Variants in ATP11A observed in about 807,000 individuals in gnomAD.
ATP11A encodes phospholipid-transporting ATPase IH.
Under a neutral mutation model 154.4 loss-of-function variants are expected in ATP11A, and 81 were observed. The ratio of observed to expected loss-of-function variants is 0.52; its 90% confidence interval spans 0.44 to 0.63. The LOEUF (loss-of-function observed/expected upper bound fraction) is 0.63, where lower values mean the gene tolerates loss of function less well. Ranked by LOEUF, ATP11A falls within the 30% of genes least tolerant of loss-of-function variation. The probability of loss-of-function intolerance (pLI) is 0.00; values close to 1 mark genes in which losing one functional copy is unlikely to be tolerated. For synonymous variants in ATP11A, 623 were observed against 585.9 expected, an observed-to-expected ratio of 1.06 and a Z score of -0.91; for missense variants, 1,316 against 1,474.3, an observed-to-expected ratio of 0.89 and a Z score of 1.76.
chr13:112,690,723 C>T lies in ATP11A; in HGVS notation c.39+268C>T, dbSNP rs1224165899. ...CCCTGGCCGCGGCCGCCTGGCGCCC[C>T]CTTCCCGCCCGCAGCGCCCTGGGGG... On this transcript the variant is annotated intron_variant, in intron 1 of 29. Coordinates refer to ENST00000375645, the MANE Select transcript of ATP11A (RefSeq NM_015205.3). This position sits in a 1 kb window ranked among gnomAD's most constrained non-coding sequence, Gnocchi z 5.6. Among the ~76,000 whole-genome samples the T allele has an allele frequency of 6.6e-6, 1 of 152,104 alleles. No individual in the cohort carries two copies. Among genetic ancestry groups the T allele is most frequent in the Admixed American group, 6.5e-5 (1 of 15,286 alleles).
chr13:112,880,490 C>A, intron 29 of ATP11A: 2 of 1,255,312 alleles, frequency 1.6e-6, no homozygotes, highest in Non-Finnish European at 2.1e-6. Flanking sequence ...GAGGCCCGAG[C>A]ACTCCTGGTG....
At chr13:112,724,796 T>C (rs2139656279) in intron 1 of ATP11A, among the ~76,000 whole-genome samples, 1 of 152,080 alleles carries the variant, frequency 6.6e-6, no homozygotes, top group East Asian at 1.9e-4. Context: ...ACTCCTGCCA[T>C]GTGGGAAATT....
chr13:112,713,937 C>T (rs1054879408), intron 1 of ATP11A, among the ~76,000 whole-genome samples: 1 of 129,652 alleles, frequency 7.7e-6, no homozygotes, highest in Non-Finnish European at 1.7e-5. Context: ...CCCTTCCATT[C>T]TTCCCACCCC....
intron 1 of ATP11A, among the ~76,000 whole-genome samples, chr13:112,716,709 C>T (rs1437335386): frequency 1.3e-5 from 2 of 152,204 alleles, no homozygotes; most frequent in Non-Finnish European, 2.9e-5. Flanking sequence ...GAGCAGGTTC[C>T]TCCCCAGGTC....
chr13:112,776,143 T>C (rs987005595), intron 1 of ATP11A, among the ~76,000 whole-genome samples: 1 of 152,184 alleles, frequency 6.6e-6, no homozygotes, highest in African/African-American at 2.4e-5. Context: ...CGGGGATTCA[T>C]GTTGACATCT....
chr13:112,712,638 C>T (rs922377657), intron 1 of ATP11A, among the ~76,000 whole-genome samples: 1 of 152,232 alleles, frequency 6.6e-6, no homozygotes, highest in Non-Finnish European at 1.5e-5. Context: ...TGCGCAGAGC[C>T]CCTCTCACTG....
intron 22 of ATP11A, 148 bp downstream of exon 22, chr13:112,858,438 C>A: frequency 1.2e-6 from 1 of 818,702 alleles, no homozygotes; most frequent in Non-Finnish European, 1.8e-6. Flanking sequence ...AATCTGATTG[C>A]AGTCATCTCT....
chr13:112,708,738 G>C (rs1007665635), intron 1 of ATP11A, among the ~76,000 whole-genome samples: 4 of 152,138 alleles, frequency 2.6e-5, no homozygotes, highest in Non-Finnish European at 1.5e-5. Context: ...CGTGGGCTGC[G>C]TGTGGCCCTG....
chr13:112,842,610 C>T (rs1260058770), intron 17 of ATP11A, among the ~76,000 whole-genome samples: 1 of 152,260 alleles, frequency 6.6e-6, no homozygotes, highest in Non-Finnish European at 1.5e-5. Context: ...CAGGCCATCT[C>T]CTCCCCAGCC....
At chr13:112,740,264 C>T (rs560159414) in intron 1 of ATP11A, among the ~76,000 whole-genome samples, 3 of 152,178 alleles carry the variant, frequency 2.0e-5, no homozygotes, top group Admixed American at 1.3e-4. Flanking sequence ...ATTGCAACCT[C>T]ATCCCAGGTT....
intron 2 of ATP11A, among the ~76,000 whole-genome samples, chr13:112,790,982 T>C (rs2077837245): frequency 1.3e-5 from 2 of 152,220 alleles, no homozygotes; most frequent in African/African-American, 4.8e-5. Context: ...CCAGTCATGA[T>C]TCATGGAAGG....
intron 1 of ATP11A, among the ~76,000 whole-genome samples, chr13:112,758,980 T>C (rs1258783543): frequency 2.0e-5 from 3 of 152,262 alleles, no homozygotes; most frequent in Non-Finnish European, 4.4e-5. Flanking sequence ...TGAAAATCAT[T>C]GAACCAATTC....
intron 1 of ATP11A, chr13:112,745,465 T>C (rs902781904): frequency 6.6e-6 from 1 of 152,256 alleles, no homozygotes; most frequent in East Asian, 1.9e-4. Context: ...TTCATTCTTT[T>C]ATTCAGTTGG....
intron 17 of ATP11A, among the ~76,000 whole-genome samples, chr13:112,848,107 G>A (rs1468232709): frequency 6.6e-6 from 1 of 152,158 alleles, no homozygotes; most frequent in East Asian, 1.9e-4. Flanking sequence ...AGAAACGGAG[G>A]AAGGGCGGGA....
rs1391117570 is a variant in ATP11A at position 112,805,646 on chromosome 13, A to C, written c.253-567A>C. On this transcript the variant is annotated intron_variant, in intron 3 of 29. Coordinates refer to ENST00000375645, the MANE Select transcript of ATP11A (RefSeq NM_015205.3). Reference sequence around the variant, plus strand: ...AGCTGAGATCGTGCCACTACACTCCAGCCTGGCGACAGAGCGAGACTGTCT... The same window carrying C: ...AGCTGAGATCGTGCCACTACACTCCCGCCTGGCGACAGAGCGAGACTGTCT... Among the ~76,000 whole-genome samples, 9 of 148,168 alleles carry C rather than the reference A, an allele frequency of 6.1e-5. No homozygotes were observed. In the Admixed American group the frequency reaches 6.2e-4, roughly 10 times the overall value.
Position 112,756,128 on chromosome 13 carries a change from T to A in ATP11A, c.40-29007T>A, listed in dbSNP as rs1386801896. ...AGCGTAAATTTCTTAGCAACCCTGG[T>A]GTTGACATATGTTGATTATAATGAT... is the stretch of plus-strand genomic sequence containing the variant. On this transcript the variant is annotated intron_variant, in intron 1 of 29. Transcript: ENST00000375645. Among the ~76,000 whole-genome samples, 4 of 152,242 alleles carry A rather than the reference T, an allele frequency of 2.6e-5. No homozygotes were observed. The East Asian group carries it at 7.7e-4, about 29-fold the overall frequency.
At chr13:112,809,608 G>T (rs75823447) in intron 4 of ATP11A, among the ~76,000 whole-genome samples, 11,956 of 152,266 alleles carry the variant, frequency 0.079, 568 homozygotes, top group African/African-American at 0.14. Context: ...CTGCGTGGTT[G>T]TGTGTTGTGT....
chr13:112,724,110 C>G (rs1345436868), intron 1 of ATP11A, among the ~76,000 whole-genome samples: 4 of 137,130 alleles, frequency 2.9e-5, no homozygotes, highest in Admixed American at 2.3e-4. Flanking sequence ...CCATCGCCCC[C>G]TTCGCCCCCT....
At chr13:112,737,866 CCT>C (rs1237858796) in intron 1 of ATP11A, among the ~76,000 whole-genome samples, 1 of 152,296 alleles carries the variant, frequency 6.6e-6, no homozygotes, top group South Asian at 2.1e-4. Context: ...CCATAACTGG[CCT>C]CTCTGCTTTT....
Sources: allele counts gnomAD v4.1 joint callset (sites outside exome capture counted in the v4.1 genomes callset), GRCh38; gene constraint gnomAD v4.1.1; non-coding constraint Gnocchi (gnomAD v3.1); transcripts MANE v1.5; gene names NCBI Gene and HGNC (gene_info 2026-07-23, HGNC 2026-07-21).